The following KIAA1328 variants were observed in gnomAD, a reference collection of about 807,000 sequenced individuals.
KIAA1328 encodes KIAA1328.
A neutral mutation model predicts 68.1 loss-of-function variants in KIAA1328; 52 were observed. That is an observed-to-expected ratio of 0.76 (90% CI 0.61 to 0.96). The LOEUF (loss-of-function observed/expected upper bound fraction) is 0.96. Among genes scored for constraint, KIAA1328 ranks in the 40% least tolerant of loss-of-function variants. KIAA1328 has a pLI of 0.00. For synonymous variants in KIAA1328, 232 were observed against 239.4 expected (o/e 0.97, Z 0.28); for missense variants, 641 against 677.6 (o/e 0.95, Z 0.60).
chr18:37,226,340 A>G (rs1234320805), downstream of KIAA1328, among the ~76,000 whole-genome samples: 1 of 151,592 alleles, frequency 6.6e-6, no homozygotes. Flanking sequence ...CAGTCTACCT[A>G]TTTAAAGTGT....
chr18:36,954,165 G>A (rs940011633), intron 5 of KIAA1328, among the ~76,000 whole-genome samples: 1 of 151,758 alleles, frequency 6.6e-6, no homozygotes. Context: ...ACCGCGCCCG[G>A]CTAATTTTTT....
intron 6 of KIAA1328, among the ~76,000 whole-genome samples, chr18:37,041,534 G>A (rs553170753): frequency 4.0e-4 from 60 of 151,842 alleles, no homozygotes; most frequent in African/African-American, 1.4e-3. Flanking sequence ...TGCATTTAAT[G>A]TAATTGTGAT....
At chr18:36,964,549 T>TCA (rs2051834922) in intron 6 of KIAA1328, among the ~76,000 whole-genome samples, 1 of 152,174 alleles carries the variant, frequency 6.6e-6, no homozygotes, top group African/African-American at 2.4e-5. Context: ...ACATCTGTCA[T>TCA]TTCCTTGAAA....
intron 5 of KIAA1328, among the ~76,000 whole-genome samples, chr18:36,924,531 G>A (rs8095259): frequency 6.6e-4 from 100 of 152,252 alleles, no homozygotes; most frequent in African/African-American, 2.0e-3. Flanking sequence ...AAGAGAAAAC[G>A]AGTATGACTA....
chr18:37,160,114 A>G (rs2059245439), intron 7 of KIAA1328, 86 bp from the exon 8 acceptor site: 1 of 1,034,034 alleles, frequency 9.7e-7, no homozygotes, highest in Non-Finnish European at 1.4e-6. Flanking sequence ...AATGAATTGC[A>G]TTTCAACCCA....
intron 8 of KIAA1328, among the ~76,000 whole-genome samples, chr18:37,166,843 A>G (rs2154212729): frequency 6.6e-6 from 1 of 152,344 alleles, no homozygotes; most frequent in African/African-American, 2.4e-5. Context: ...GGCAAACAAT[A>G]GACACATCAA....
chr18:37,168,461 G>A (rs181444450), intron 8 of KIAA1328, among the ~76,000 whole-genome samples: 29 of 152,286 alleles, frequency 1.9e-4, no homozygotes, highest in Admixed American at 1.7e-3. Context: ...GAAATACTCC[G>A]AATGTCCCTC....
chr18:36,831,741 A>G (rs1428594442), intron 1 of KIAA1328, among the ~76,000 whole-genome samples: 1 of 152,232 alleles, frequency 6.6e-6, no homozygotes, highest in African/African-American at 2.4e-5. Context: ...TAATAATTAC[A>G]TATACATGTA....
At chr18:37,096,789 C>T (rs2057422594) in intron 7 of KIAA1328, among the ~76,000 whole-genome samples, 1 of 152,156 alleles carries the variant, frequency 6.6e-6, no homozygotes, top group South Asian at 2.1e-4. Context: ...GGTGGTATCT[C>T]ATTGTGGTTT....
intron 5 of KIAA1328, among the ~76,000 whole-genome samples, chr18:36,913,513 CACACACA>C (rs1297238176): frequency 8.4e-5 from 10 of 119,158 alleles, no homozygotes; most frequent in Non-Finnish European, 1.7e-4. Context: ...CACACACACA[CACACACA>C]CACTTAGAGG....
At position 36,885,687 on chromosome 18, in the gene KIAA1328, G is replaced by T; in HGVS notation, c.448+15G>T. 1 of 1,461,030 alleles carries T rather than the reference G, an allele frequency of 6.8e-7. No individual in the cohort carries two copies. The highest frequency in any genetic ancestry group is 9.3e-7 in the Non-Finnish European group (1 of 1,072,564). 90.5% of individuals were successfully genotyped at this position (1,461,030 alleles called of 1,614,324 possible). On this transcript the variant is annotated intron_variant, in intron 5 of 9. Coordinates refer to ENST00000280020, the MANE Select transcript of KIAA1328 (RefSeq NM_020776.3). ...AGAAAGGGAAGATATCCTTTTGAAA[G>T]TTCTCTTTTTTAACGTTCAAGAAGT...
intron 4 of KIAA1328, among the ~76,000 whole-genome samples, chr18:36,867,207 T>A (rs927302227): frequency 6.6e-6 from 1 of 152,152 alleles, no homozygotes; most frequent in Non-Finnish European, 1.5e-5. Context: ...GATAGTGAGT[T>A]CACTGTTCTC....
intron 6 of KIAA1328, among the ~76,000 whole-genome samples, chr18:37,007,320 C>G (rs967591429): frequency 6.6e-6 from 1 of 152,174 alleles, no homozygotes; most frequent in East Asian, 1.9e-4. Context: ...TGGCTACTCT[C>G]AGCAGATACC....
At chr18:37,132,539 G>A (rs1173774944) in intron 7 of KIAA1328, among the ~76,000 whole-genome samples, 1 of 152,204 alleles carries the variant, frequency 6.6e-6, no homozygotes, top group Non-Finnish European at 1.5e-5. Context: ...GGAACTCCTG[G>A]TAAATTATCA....
intron 7 of KIAA1328, among the ~76,000 whole-genome samples, chr18:37,074,019 T>C (rs921090419): frequency 1.3e-5 from 2 of 152,236 alleles, no homozygotes; most frequent in Non-Finnish European, 2.9e-5. Flanking sequence ...AGATTTAAGA[T>C]GTCTCATTGA....
chr18:37,062,472 A>G (rs909881448), intron 6 of KIAA1328, among the ~76,000 whole-genome samples: 5 of 140,132 alleles, frequency 3.6e-5, no homozygotes, highest in African/African-American at 1.4e-4. Context: ...TTTTTTTTTG[A>G]GACAGAGTCT....
At chr18:36,857,045 G>A (rs940772663) in intron 4 of KIAA1328, among the ~76,000 whole-genome samples, 15 of 152,050 alleles carry the variant, frequency 9.9e-5, no homozygotes, top group Non-Finnish European at 8.8e-5. Flanking sequence ...TTCCTTCAAC[G>A]TTCAGCCAGT....
intron 9 of KIAA1328, among the ~76,000 whole-genome samples, chr18:37,215,038 A>G (rs2060399767): frequency 1.3e-5 from 2 of 152,224 alleles, no homozygotes. Context: ...TATCAGCTTA[A>G]GGAGATTTGG....
intron 9 of KIAA1328, among the ~76,000 whole-genome samples, chr18:37,220,543 C>T (rs2060538153): frequency 6.6e-6 from 1 of 152,154 alleles, no homozygotes; most frequent in South Asian, 2.1e-4. Context: ...TTGAAGGCTT[C>T]TAATATATCT....
Sources: allele counts gnomAD v4.1 joint callset (sites outside exome capture counted in the v4.1 genomes callset), GRCh38; gene constraint gnomAD v4.1.1; transcripts MANE v1.5; gene names NCBI Gene and HGNC (gene_info 2026-07-23, HGNC 2026-07-21).